Variants in SNTG2 observed in about 807,000 individuals in gnomAD.
The protein encoded by SNTG2 is syntrophin gamma 2.
A neutral mutation model predicts 70.9 loss-of-function variants in SNTG2; 74 were observed. The observed-to-expected ratio is 1.04, with a 90% CI of 0.86 to 1.27. SNTG2 has a LOEUF of 1.27. Ranked by LOEUF, SNTG2 falls within the 50% of genes most tolerant of loss-of-function variation. The pLI is 0.00. For synonymous variants in SNTG2, 278 were observed against 273.8 expected, an observed-to-expected ratio of 1.02 and a Z score of -0.15; for missense variants, 717 against 690.7, an observed-to-expected ratio of 1.04 and a Z score of -0.43.
intron 14 of SNTG2, among the ~76,000 whole-genome samples, chr2:1,291,388 G>T (rs944081924): frequency 2.0e-5 from 3 of 152,158 alleles, no homozygotes; most frequent in Non-Finnish European, 2.9e-5. Flanking sequence ...TTGGTTGCCT[G>T]TGTTTTTGGT....
Position 1,192,669 on chromosome 2 carries a change from G to A in SNTG2, c.592-16434G>A, listed in dbSNP as rs549833531. On this transcript the variant is annotated intron_variant, in intron 8 of 16. Coordinates refer to ENST00000308624, the MANE Select transcript of SNTG2 (RefSeq NM_018968.4). ...CCTTCACGCAGGAAATTTCGAGCTT[G>A]CGTTAATCAGTTGTGTTGCTCCAAG... Among the ~76,000 whole-genome samples the A allele has an allele frequency of 2.6e-5, 4 of 152,208 alleles. No individual in the cohort carries two copies. The East Asian group carries it at 7.7e-4, about 29-fold the overall frequency.
intron 11 of SNTG2, among the ~76,000 whole-genome samples, chr2:1,241,772 G>A (rs1022506092): frequency 1.3e-5 from 2 of 152,084 alleles, no homozygotes; most frequent in Non-Finnish European, 2.9e-5. Flanking sequence ...GGCAGTGGGC[G>A]GCCTTGTTTT....
At chr2:1,098,305 G>C (rs775263553) in intron 3 of SNTG2, 48 bp from the exon 4 acceptor site, 1 of 1,613,634 alleles carries the variant, frequency 6.2e-7, no homozygotes, top group East Asian at 2.2e-5. Context: ...GAACTTTCCA[G>C]TGTGAATCAT....
intron 4 of SNTG2, among the ~76,000 whole-genome samples, chr2:1,125,253 G>A (rs1355030138): frequency 6.6e-6 from 1 of 152,068 alleles, no homozygotes; most frequent in East Asian, 1.9e-4. Flanking sequence ...GAGATTTCTT[G>A]CATAGCATAT....
intron 1 of SNTG2, among the ~76,000 whole-genome samples, chr2:1,057,051 C>G (rs1025052860): frequency 6.6e-6 from 1 of 151,632 alleles, no homozygotes; most frequent in African/African-American, 2.4e-5. Flanking sequence ...GCCGCTTCCT[C>G]CAGGACCTGT....
At chr2:1,200,238 G>A (rs567440987) in intron 8 of SNTG2, among the ~76,000 whole-genome samples, 1 of 151,916 alleles carries the variant, frequency 6.6e-6, no homozygotes, top group East Asian at 1.9e-4. Flanking sequence ...ACTAATTTTT[G>A]ACAAAGATAC....
chr2:1,130,081 T>C (rs1204765515), intron 4 of SNTG2, among the ~76,000 whole-genome samples: 1 of 152,154 alleles, frequency 6.6e-6, no homozygotes, highest in Non-Finnish European at 1.5e-5. Context: ...TTAAAAGCCA[T>C]ATGTGCCTGT....
rs1478283812 is a variant in SNTG2, at chr2:969,866, C to A, written c.72+18798C>A. Among the ~76,000 whole-genome samples, 7 of 152,144 alleles carry A rather than the reference C, an allele frequency of 4.6e-5. No homozygotes were observed. The East Asian group carries it at 1.3e-3, about 29-fold the overall frequency. The stretch of plus-strand genomic sequence containing the variant: ...GTATGCCTTTTAATTCTGTCTCTTG[C>A]CTAATTGCTCTGGCTAGGAATTTCC... On this transcript the variant is annotated intron_variant, in intron 1 of 16. Coordinates refer to ENST00000308624, the MANE Select transcript of SNTG2 (RefSeq NM_018968.4).
intron 12 of SNTG2, among the ~76,000 whole-genome samples, chr2:1,251,288 A>G (rs1223511958): frequency 1.4e-5 from 2 of 143,944 alleles, no homozygotes; most frequent in African/African-American, 5.5e-5. Context: ...TGTTATCCTC[A>G]AGTAAGCATA....
At chr2:1,346,852 T>C (rs1179278191) in intron 16 of SNTG2, among the ~76,000 whole-genome samples, 1 of 152,138 alleles carries the variant, frequency 6.6e-6, no homozygotes, top group Admixed American at 6.5e-5. Flanking sequence ...TTTTGGGGAT[T>C]CTTTAGCTGG....
At chr2:1,124,917 T>C (rs1422623488) in intron 4 of SNTG2, among the ~76,000 whole-genome samples, 1 of 152,150 alleles carries the variant, frequency 6.6e-6, no homozygotes, top group Non-Finnish European at 1.5e-5. Flanking sequence ...GTGTTGGGGA[T>C]TCCTGCTACA....
At chr2:1,348,776 A>C (rs1301302661) in intron 16 of SNTG2, among the ~76,000 whole-genome samples, 1 of 152,226 alleles carries the variant, frequency 6.6e-6, no homozygotes, top group African/African-American at 2.4e-5. Context: ...AAATTTCTTC[A>C]AATATTTTAC....
chr2:1,259,566 G>A (rs1678308914), intron 13 of SNTG2, 125 bp downstream of exon 13: 7 of 778,170 alleles, frequency 9.0e-6, no homozygotes, highest in South Asian at 8.5e-5. Context: ...GTAAAATAAT[G>A]TGACGATCTG....
chr2:998,291 T>G (rs1661758197), intron 1 of SNTG2, among the ~76,000 whole-genome samples: 1 of 151,866 alleles, frequency 6.6e-6, no homozygotes, highest in African/African-American at 2.4e-5. Flanking sequence ...TAGCAGTATA[T>G]CCTAACCAAA....
intron 2 of SNTG2, among the ~76,000 whole-genome samples, chr2:1,091,978 A>G (rs1270627684): frequency 6.6e-6 from 1 of 152,176 alleles, no homozygotes; most frequent in African/African-American, 2.4e-5. Flanking sequence ...AAGTGGAGAG[A>G]GATTCAATGC....
intron 1 of SNTG2, among the ~76,000 whole-genome samples, chr2:1,071,647 TAATAAA>T (rs1297428004): frequency 4.1e-5 from 1 of 24,386 alleles, no homozygotes; most frequent in Non-Finnish European, 2.0e-4. Flanking sequence ...TAAAGTATAA[TAATAAA>T]AAAAAAAAAA....
chr2:1,366,947 G>T (rs757007822), intron 16 of SNTG2, among the ~76,000 whole-genome samples: 1 of 152,338 alleles, frequency 6.6e-6, no homozygotes, highest in Non-Finnish European at 1.5e-5. Context: ...CTGCTGCGAC[G>T]GGATCCACAT....
intron 8 of SNTG2, among the ~76,000 whole-genome samples, chr2:1,199,919 T>C (rs368924250): frequency 6.6e-6 from 1 of 152,050 alleles, no homozygotes. Flanking sequence ...AGAATTAATA[T>C]AGTAAAAATG....
intron 4 of SNTG2, among the ~76,000 whole-genome samples, chr2:1,123,974 G>C: frequency 6.6e-6 from 1 of 152,182 alleles, no homozygotes; most frequent in South Asian, 2.1e-4. Flanking sequence ...ACAGAAGCTG[G>C]GGATTGGAGA....
Sources: gnomAD v4.1 joint callset for allele counts (sites outside exome capture counted in the v4.1 genomes callset) on GRCh38, gnomAD v4.1.1 for gene constraint, MANE v1.5 for transcripts, NCBI Gene and HGNC (gene_info 2026-07-23, HGNC 2026-07-21) for gene names.